Variants in NR4A3 observed in about 807,000 individuals in gnomAD.
NR4A3 encodes the protein nuclear receptor subfamily 4 group A member 3.
A neutral mutation model predicts 55.6 loss-of-function variants in NR4A3; 13 were observed. The observed-to-expected ratio is 0.23, with a 90% CI of 0.15 to 0.37. The LOEUF is 0.37. Ranked by LOEUF, NR4A3 falls within the 10% of genes least tolerant of loss-of-function variation. The pLI is 1.00. For synonymous variants in NR4A3, 342 were observed against 357.9 expected (o/e 0.96, Z 0.50); for missense variants, 646 against 822.8 (o/e 0.79, Z 2.63).
At position 99,864,117 on chromosome 9, in the gene NR4A3, G is replaced by A; in HGVS notation, c.*250G>A. ...GGGGATGGGGTGGGAGGGGGTTATA[G>A]TTCATGAGGGTTTTCTAAGAAATTG... On this transcript the variant is annotated 3_prime_UTR_variant, in exon 8 of 8. Transcript: ENST00000395097. 5.0e-6 allele frequency: 2 copies of A among 398,810 alleles called. No homozygotes were observed. The highest frequency in any genetic ancestry group is 5.0e-5 in the South Asian group (1 of 19,846). 24.7% of individuals were successfully genotyped at this position (398,810 alleles called of 1,614,324 possible).
rs1828109639 is a variant in NR4A3 at position 99,866,880 on chromosome 9, T to C, written c.*3013T>C. ...GTAAATTTAAATGATTAAATTACAT[T>C]TTATCAATGGCTACTGGTGTATTGA... On this transcript the variant is annotated 3_prime_UTR_variant, in exon 8 of 8. Coordinates refer to ENST00000395097, the MANE Select transcript of NR4A3 (RefSeq NM_006981.4). The C allele has an allele frequency of 5.3e-6, 1 of 189,892 alleles. No homozygotes were observed. Among genetic ancestry groups the C allele is most frequent in the African/African-American group, 2.3e-5 (1 of 42,940 alleles). 11.8% of individuals were successfully genotyped at this position (189,892 alleles called of 1,614,324 possible).
intron 2 of NR4A3, among the ~76,000 whole-genome samples, chr9:99,827,280 GTGTGTGTGTGTA>G (rs968926094): frequency 1.5e-5 from 2 of 137,028 alleles, no homozygotes; most frequent in Admixed American, 7.4e-5. Flanking sequence ...GTGTGTGTGT[GTGTGTGTGTGTA>G]TATATATATA....
intron 7 of NR4A3, among the ~76,000 whole-genome samples, chr9:99,862,079 G>A (rs564335740): frequency 4.6e-5 from 7 of 151,106 alleles, no homozygotes; most frequent in African/African-American, 9.7e-5. Context: ...AGGCAAGAGA[G>A]CAAGACCATG....
intron 2 of NR4A3, chr9:99,826,847 T>C (rs368839669): frequency 1.3e-6 from 2 of 1,554,672 alleles, no homozygotes; most frequent in Admixed American, 3.3e-5. Context: ...CACTTCTCTA[T>C]TAGTCACACC....
At chr9:99,843,863 C>T (rs1371194020) in intron 5 of NR4A3, among the ~76,000 whole-genome samples, 5 of 151,948 alleles carry the variant, frequency 3.3e-5, no homozygotes, top group African/African-American at 4.8e-5. Flanking sequence ...AAGCGATTCT[C>T]GTGCCTCAGC....
intron 5 of NR4A3, among the ~76,000 whole-genome samples, chr9:99,835,209 G>A (rs1827537551): frequency 6.6e-6 from 1 of 152,162 alleles, no homozygotes; most frequent in African/African-American, 2.4e-5. Context: ...GTCCTAATGA[G>A]CATGAACACT....
chr9:99,836,502 T>C (rs951567640), intron 5 of NR4A3, among the ~76,000 whole-genome samples: 3 of 152,236 alleles, frequency 2.0e-5, no homozygotes, highest in African/African-American at 7.2e-5. Context: ...AGTCCAGTTC[T>C]AAGCTGGGAT....
At chr9:99,839,739 G>A (rs1264538218) in intron 5 of NR4A3, among the ~76,000 whole-genome samples, 1 of 152,156 alleles carries the variant, frequency 6.6e-6, no homozygotes, top group Non-Finnish European at 1.5e-5. Flanking sequence ...AACCCCTATA[G>A]GGTGGAAAAA....
chr9:99,831,078 A>T (rs1242549988), intron 3 of NR4A3, among the ~76,000 whole-genome samples: 3 of 152,208 alleles, frequency 2.0e-5, no homozygotes, highest in Non-Finnish European at 2.9e-5. Flanking sequence ...TAAAAATGTG[A>T]CATGAAGTGC....
At chr9:99,861,657 A>C (rs1828011378) in intron 7 of NR4A3, among the ~76,000 whole-genome samples, 1 of 152,206 alleles carries the variant, frequency 6.6e-6, no homozygotes, top group South Asian at 2.1e-4. Context: ...CAACTAGCCA[A>C]ACTGAGGATA....
intron 5 of NR4A3, among the ~76,000 whole-genome samples, chr9:99,838,309 C>G (rs181157459): frequency 2.0e-5 from 3 of 152,150 alleles, no homozygotes; most frequent in African/African-American, 7.2e-5. Flanking sequence ...AACAGACTTG[C>G]AAATACGAGA....
At chr9:99,826,701 C>G in intron 2 of NR4A3, 1 of 1,399,778 alleles carries the variant, frequency 7.1e-7, no homozygotes, top group Non-Finnish European at 1.0e-6. Flanking sequence ...CTTGAACTGG[C>G]CTCTCCTCAT....
In NR4A3 at chr9:99,848,384, G is replaced by A. The variant is rs184890682; in HGVS notation, c.1633+769G>A. ...TTTTGAGATGGAGTCTCACTCTGTC[G>A]CCCAGGCTGGAGTGCAATGATGTGA... On this transcript the variant is annotated intron_variant, in intron 7 of 7. Transcript: ENST00000395097. Among the ~76,000 whole-genome samples the A allele has an allele frequency of 1.4e-3, 217 of 151,876 alleles. 1 individual carries two copies. The highest frequency in any genetic ancestry group is 4.9e-3 in the African/African-American group (202 of 41,402).
intron 2 of NR4A3, among the ~76,000 whole-genome samples, chr9:99,827,290 G>GTGTGTGTGTGTA (rs1554690807): frequency 7.2e-6 from 1 of 139,004 alleles, no homozygotes; most frequent in African/African-American, 2.7e-5. Context: ...GTGTGTGTGT[G>GTGTGTGTGTGTA]TATATATATA....
intron 7 of NR4A3, among the ~76,000 whole-genome samples, chr9:99,850,615 A>C (rs1316640772): frequency 6.6e-6 from 1 of 152,212 alleles, no homozygotes; most frequent in African/African-American, 2.4e-5. Flanking sequence ...CAGAAATAGC[A>C]TGGACTTTGG....
intron 5 of NR4A3, 116 bp from the exon 6 acceptor site, chr9:99,844,533 G>A (rs564646906): frequency 1.9e-5 from 14 of 754,182 alleles, no homozygotes; most frequent in Admixed American, 1.8e-4. Flanking sequence ...TTTATAAACT[G>A]TAACACCTAA....
chr9:99,861,045 G>A (rs1288486361), intron 7 of NR4A3, among the ~76,000 whole-genome samples: 1 of 152,212 alleles, frequency 6.6e-6, no homozygotes, highest in African/African-American at 2.4e-5. Flanking sequence ...AAGACATTGA[G>A]CCTTAGAGAA....
chr9:99,841,935 A>C (rs1389201717), intron 5 of NR4A3, among the ~76,000 whole-genome samples: 3 of 151,898 alleles, frequency 2.0e-5, no homozygotes, highest in Non-Finnish European at 4.4e-5. Flanking sequence ...ACACCATTGC[A>C]CTCCAGCCTG....
In NR4A3 at chr9:99,866,099, C is replaced by T; in HGVS notation, c.*2232C>T. ...ACCACTAATATTTACCTGAAGATAA[C>T]CATGAGTAAAGTATACTTTTGCATT... On this transcript the variant is annotated 3_prime_UTR_variant, in exon 8 of 8. Transcript: ENST00000395097. The T allele has an allele frequency of 4.7e-6, 1 of 212,682 alleles. No homozygotes were observed. The highest frequency in any genetic ancestry group is 7.1e-5 in the East Asian group (1 of 14,062). 13.2% of individuals were successfully genotyped at this position (212,682 alleles called of 1,614,324 possible). A position where few individuals can be genotyped will look rare whatever the true frequency, so the allele number is the denominator to read the frequency against.
Sources: gnomAD v4.1 joint callset for allele counts (sites outside exome capture counted in the v4.1 genomes callset) on GRCh38, gnomAD v4.1.1 for gene constraint, MANE v1.5 for transcripts, NCBI Gene and HGNC (gene_info 2026-07-23, HGNC 2026-07-21) for gene names.